The following ADAMTS16 variants were observed in gnomAD, a reference collection of about 807,000 sequenced individuals.
ADAMTS16 encodes ADAM metallopeptidase with thrombospondin type 1 motif 16, also known as A disintegrin and metalloproteinase with thrombospondin motifs 16.
A neutral mutation model predicts 145.8 loss-of-function variants in ADAMTS16; 94 were observed. The ratio of observed to expected loss-of-function variants is 0.64; its 90% CI spans 0.55 to 0.77. The LOEUF is 0.77. Ranked by LOEUF, ADAMTS16 falls within the 30% of genes least tolerant of loss-of-function variation. The pLI, the probability that ADAMTS16 is intolerant of heterozygous loss-of-function variation, is 0.00. For synonymous variants in ADAMTS16, 659 were observed against 604.3 expected, an observed-to-expected ratio of 1.09 and a Z score of -1.33; for missense variants, 1,585 against 1,591.5, an observed-to-expected ratio of 1.00 and a Z score of 0.07.
At position 5,182,315 on chromosome 5, in the gene ADAMTS16, G is replaced by A; in HGVS notation, c.763+10G>A. Reference sequence around the variant, plus strand: ...GGAAGACGCAAGAAATGTATGTAAGGGCGAATCTTTGTGTGTATTTAGTGA... The same window carrying A: ...GGAAGACGCAAGAAATGTATGTAAGAGCGAATCTTTGTGTGTATTTAGTGA... On this transcript the variant is annotated intron_variant, in intron 4 of 22. Transcript: ENST00000274181. 4.4e-6 allele frequency: 7 copies of A among 1,604,084 alleles called. No individual in the cohort carries two copies. Among genetic ancestry groups the A allele is most frequent in the Non-Finnish European group, 3.4e-6 (4 of 1,172,636 alleles).
chr5:5,211,599 C>T (rs921274044), intron 10 of ADAMTS16, among the ~76,000 whole-genome samples: 1 of 151,968 alleles, frequency 6.6e-6, no homozygotes, highest in Non-Finnish European at 1.5e-5. Context: ...GCTAGTATGC[C>T]TGTCTTTTTC....
chr5:5,156,044 C>T (rs752659211), intron 3 of ADAMTS16, among the ~76,000 whole-genome samples: 13 of 152,272 alleles, frequency 8.5e-5, no homozygotes, highest in Middle Eastern at 3.4e-3. Flanking sequence ...GTAGACAGTC[C>T]GCAGGGGCTA....
At chr5:5,197,789 G>A (rs759787007) in intron 8 of ADAMTS16, among the ~76,000 whole-genome samples, 4 of 152,278 alleles carry the variant, frequency 2.6e-5, no homozygotes, top group African/African-American at 4.8e-5. Flanking sequence ...GGCATTCATT[G>A]CATTACAAAT....
intron 21 of ADAMTS16, 56 bp from the exon 22 acceptor site, chr5:5,318,078 T>C: frequency 7.7e-7 from 1 of 1,306,528 alleles, no homozygotes; most frequent in South Asian, 2.6e-5. Context: ...ACACTGAGGT[T>C]GACCAGGTGC....
At position 5,317,376 on chromosome 5, in the gene ADAMTS16, ATACT is replaced by A. The variant is rs150411686; in HGVS notation, c.3412-739_3412-736del. Among the ~76,000 whole-genome samples, 9,954 of 152,000 alleles carry A rather than the reference ATACT, an allele frequency of 0.065. 438 individuals carry two copies. Among genetic ancestry groups the A allele is most frequent in the African/African-American group, 0.12 (5,128 of 41,422 alleles). On this transcript the variant is annotated intron_variant, in intron 21 of 22. Coordinates refer to ENST00000274181, the MANE Select transcript of ADAMTS16 (RefSeq NM_139056.4). The surrounding 1 kb of genome is among the most constrained non-coding windows in gnomAD (Gnocchi z 4.5). ...ATGAATATCAGCTTTTTTAATCAGTATACTTACTTACTTACTTACTTATTTATTT... is the reference window on the plus strand; with the variant it reads ...ATGAATATCAGCTTTTTTAATCAGTATACTTACTTACTTACTTATTTATTT...
In ADAMTS16 at chr5:5,320,202, C is replaced by T. The variant is rs1411837459; in HGVS notation, c.*1064C>T. 3.4e-5 allele frequency: 10 copies of T among 294,282 alleles called. No homozygotes were observed. The highest frequency in any genetic ancestry group is 2.7e-4 in the South Asian group (9 of 33,642). 18.2% of individuals were successfully genotyped at this position (294,282 alleles called of 1,614,324 possible). A position where few individuals can be genotyped will look rare whatever the true frequency, so the allele number is the denominator to read the frequency against. On this transcript the variant is annotated 3_prime_UTR_variant, in exon 23 of 23. Transcript: ENST00000274181. This position sits in a 1 kb window ranked among gnomAD's most constrained non-coding sequence, Gnocchi z 5.1. ...GGCACCCTCCCTGCCATCCTCAGTG[C>T]GGCTGCTGTTCTCCTGTCCGGTGCT...
intron 18 of ADAMTS16, 110 bp downstream of exon 18, chr5:5,262,893 C>A: frequency 6.7e-6 from 10 of 1,488,718 alleles, no homozygotes; most frequent in Non-Finnish European, 9.1e-6. Context: ...TCATGTCACT[C>A]ATAACAGTGG....
chr5:5,318,198 C>A lies in ADAMTS16; in HGVS notation c.3476C>A (p.Pro1159Gln), dbSNP rs780954477. The A allele has an allele frequency of 2.6e-6, 4 of 1,563,604 alleles. No homozygotes were observed. The East Asian group carries it at 7.0e-5, about 27-fold the overall frequency. Reference protein sequence around the residue: ...RSVQCLAGGRPASGCLLHQKP... With the variant: ...RSVQCLAGGRQASGCLLHQKP... ...GTGCAGTGCCTGGCTGGGGGCCGGCCGGCCTCAGGCTGCCTCCTGCACCAG... is the reference window on the plus strand; with the variant it reads ...GTGCAGTGCCTGGCTGGGGGCCGGCAGGCCTCAGGCTGCCTCCTGCACCAG... Residue 1159 changes from proline (P) to glutamine (Q), a missense_variant, in exon 22 of 23, where the codon CCG becomes CAG. Pro to Gln is a moderately conservative substitution (Grantham distance 76, BLOSUM62 -1). This residue lies in a region of ADAMTS16 where 834 missense variants were observed against 811.7 expected (regional missense o/e 1.03). Transcript: ENST00000274181.
chr5:5,295,209 C>T (rs1240456807), intron 18 of ADAMTS16, among the ~76,000 whole-genome samples: 1 of 152,144 alleles, frequency 6.6e-6, no homozygotes, highest in Non-Finnish European at 1.5e-5. Context: ...AAGGATGAAA[C>T]TTGTCCCATT....
intron 9 of ADAMTS16, among the ~76,000 whole-genome samples, chr5:5,208,824 C>T (rs1443242077): frequency 6.6e-6 from 1 of 152,110 alleles, no homozygotes; most frequent in Non-Finnish European, 1.5e-5. Context: ...TTGCACTTTT[C>T]CTCATGATAA....
chr5:5,174,700 T>C (rs1197578350), intron 3 of ADAMTS16, among the ~76,000 whole-genome samples: 1 of 152,236 alleles, frequency 6.6e-6, no homozygotes, highest in African/African-American at 2.4e-5. Flanking sequence ...TCATTAACTC[T>C]TTCTTCTGCT....
intron 9 of ADAMTS16, 97 bp from the exon 10 acceptor site, chr5:5,208,995 TG>T (rs1736203085): frequency 2.2e-6 from 3 of 1,355,394 alleles, no homozygotes; most frequent in Non-Finnish European, 3.0e-6. Flanking sequence ...ACACAATATA[TG>T]TTGTAAAATT....
intron 3 of ADAMTS16, among the ~76,000 whole-genome samples, chr5:5,163,051 T>G (rs1008372439): frequency 3.9e-5 from 6 of 152,282 alleles, no homozygotes; most frequent in African/African-American, 1.2e-4. Flanking sequence ...TCAGGGAGCT[T>G]CGTGGTAACA....
At chr5:5,308,945 G>A (rs1248006147) in intron 21 of ADAMTS16, among the ~76,000 whole-genome samples, 2 of 123,914 alleles carry the variant, frequency 1.6e-5, no homozygotes, top group South Asian at 2.6e-4. Context: ...GAGAGACTCC[G>A]TCTCAAAAAA....
chr5:5,254,792 CTTAAT>C (rs1448135930), intron 17 of ADAMTS16, among the ~76,000 whole-genome samples: 1 of 152,090 alleles, frequency 6.6e-6, no homozygotes, highest in Admixed American at 6.6e-5. Flanking sequence ...CCTGCCTTCT[CTTAAT>C]TTATTTAGTA....
At chr5:5,174,323 T>C (rs1490472785) in intron 3 of ADAMTS16, among the ~76,000 whole-genome samples, 1 of 152,204 alleles carries the variant, frequency 6.6e-6, no homozygotes, top group Non-Finnish European at 1.5e-5. Context: ...GTCAGATGTA[T>C]TGAAGCTCCA....
chr5:5,316,698 C>G (rs1734069656), intron 21 of ADAMTS16, among the ~76,000 whole-genome samples: 2 of 152,138 alleles, frequency 1.3e-5, no homozygotes, highest in Admixed American at 1.3e-4. Flanking sequence ...GATGCCAACA[C>G]CTTAGCAAAA....
intron 3 of ADAMTS16, among the ~76,000 whole-genome samples, chr5:5,167,997 T>C (rs911762858): frequency 6.6e-6 from 1 of 152,236 alleles, no homozygotes; most frequent in Non-Finnish European, 1.5e-5. Context: ...GTCTACCATG[T>C]TGAGTAGCCC....
chr5:5,215,070 G>A (rs891550367), intron 10 of ADAMTS16, among the ~76,000 whole-genome samples: 1 of 152,146 alleles, frequency 6.6e-6, no homozygotes, highest in African/African-American at 2.4e-5. Flanking sequence ...TTTAGGAAGG[G>A]ATGAATCTCT....
Sources: allele counts gnomAD v4.1 joint callset (sites outside exome capture counted in the v4.1 genomes callset), GRCh38; gene constraint gnomAD v4.1.1; regional missense constraint gnomAD v4.1.1; non-coding constraint Gnocchi (gnomAD v3.1); transcripts MANE v1.5; gene names NCBI Gene and HGNC (gene_info 2026-07-23, HGNC 2026-07-21).